The following PDE7A variants were observed in gnomAD, a reference collection of about 807,000 sequenced individuals.
PDE7A encodes phosphodiesterase 7A.
Under a neutral mutation model 64.3 loss-of-function variants are expected in PDE7A, and 39 were observed. The ratio of observed to expected loss-of-function variants is 0.61; its 90% CI spans 0.47 to 0.79. The LOEUF (loss-of-function observed/expected upper bound fraction) is 0.79, where lower values mean the gene tolerates loss of function less well. PDE7A is among the 30% of genes least tolerant of loss of function. PDE7A has a pLI of 0.00. For missense variants in PDE7A, 470 were observed against 582.8 expected, an observed-to-expected ratio of 0.81 and a Z score of 1.99; for synonymous variants, 203 against 206.8, an observed-to-expected ratio of 0.98 and a Z score of 0.16.
At chr8:65,723,124 G>C (rs1175548366) in intron 12 of PDE7A, 1 of 153,912 alleles carries the variant, frequency 6.5e-6, no homozygotes. Context: ...AGTCTGGAAA[G>C]GCAGTGGCAG....
intron 3 of PDE7A, among the ~76,000 whole-genome samples, chr8:65,763,031 GTGTGTGTA>G (rs1259855521): frequency 7.0e-6 from 1 of 142,774 alleles, no homozygotes; most frequent in African/African-American, 2.8e-5. Context: ...GTGTGTGTGT[GTGTGTGTA>G]TAAAATGAAT....
At chr8:65,812,808 C>G (rs1236413454) in intron 1 of PDE7A, among the ~76,000 whole-genome samples, 1 of 152,076 alleles carries the variant, frequency 6.6e-6, no homozygotes, top group African/African-American at 2.4e-5. Flanking sequence ...AATGAGATAC[C>G]TTTTTATTTT....
At chr8:65,840,724 GAGTGTACATCAGTAGT>G (rs1563527704) in intron 1 of PDE7A, among the ~76,000 whole-genome samples, 1 of 152,246 alleles carries the variant, frequency 6.6e-6, no homozygotes, top group Non-Finnish European at 1.5e-5. Context: ...GTCTTCCCAT[GAGTGTACATCAGTAGT>G]TTCTCTCCTA....
At chr8:65,828,289 T>C (rs760296413) in intron 1 of PDE7A, among the ~76,000 whole-genome samples, 10 of 152,152 alleles carry the variant, frequency 6.6e-5, no homozygotes, top group Non-Finnish European at 1.2e-4. Context: ...ATATCTTCCA[T>C]GATTTTATCC....
At chr8:65,761,997 G>A (rs960464176) in intron 3 of PDE7A, among the ~76,000 whole-genome samples, 2 of 152,128 alleles carry the variant, frequency 1.3e-5, no homozygotes, top group African/African-American at 4.8e-5. Context: ...CTTGAGACCC[G>A]ACCACTACTT....
Position 65,779,741 on chromosome 8 carries a change from T to C in PDE7A, c.262A>G (p.Ile88Val), listed in dbSNP as rs1809359427. 1.3e-6 allele frequency: 2 copies of C among 1,585,258 alleles called. No homozygotes were observed. The highest frequency in any genetic ancestry group is 1.4e-5 in the African/African-American group (1 of 73,928). The change falls in exon 3 of 13, where the codon ATT becomes GTT. Residue 88 changes from isoleucine (I) to valine (V), a missense_variant. Transcript: ENST00000401827. ...TTACAGTGGAAAATACGAAAATCAA[T>C]ATATGGGTGAGAACCTCTTCTTTCT... ...ESERRGSHPY[I>V]DFRIFHSQSE... is the part of the protein sequence containing the mutation.
intron 3 of PDE7A, among the ~76,000 whole-genome samples, chr8:65,770,497 T>C (rs1234817818): frequency 1.3e-5 from 2 of 152,116 alleles, no homozygotes; most frequent in Non-Finnish European, 2.9e-5. Context: ...GATGATTCAA[T>C]TACCTCCCAC....
chr8:65,750,460 G>C (rs2128908092), intron 3 of PDE7A, among the ~76,000 whole-genome samples: 1 of 147,660 alleles, frequency 6.8e-6, no homozygotes, highest in South Asian at 2.1e-4. Flanking sequence ...ATGTATATAT[G>C]TAAATTAGAA....
At chr8:65,787,303 C>T (rs1046294538) in intron 1 of PDE7A, among the ~76,000 whole-genome samples, 8 of 152,286 alleles carry the variant, frequency 5.3e-5, no homozygotes, top group African/African-American at 1.9e-4. Flanking sequence ...TTTATTAGTT[C>T]CATTTTGCAG....
At chr8:65,792,860 TA>T (rs1481501286) in intron 1 of PDE7A, among the ~76,000 whole-genome samples, 3 of 152,182 alleles carry the variant, frequency 2.0e-5, no homozygotes, top group Non-Finnish European at 4.4e-5. Context: ...AAAAATTATT[TA>T]AAAGCTATGG....
At chr8:65,807,991 A>G (rs1325864294) in intron 1 of PDE7A, among the ~76,000 whole-genome samples, 1 of 152,192 alleles carries the variant, frequency 6.6e-6, no homozygotes, top group Non-Finnish European at 1.5e-5. Context: ...TGGCTGATAC[A>G]ACGAGTGTCA....
rs561002490 is a variant in PDE7A at position 65,768,623 on chromosome 8, C to T, written c.283+11097G>A. Among the ~76,000 whole-genome samples, 34 of 152,180 alleles carry T rather than the reference C, an allele frequency of 2.2e-4. 1 individual carries two copies. Among genetic ancestry groups the T allele is most frequent in the Non-Finnish European group, 4.6e-4 (31 of 68,032 alleles). On this transcript the variant is annotated intron_variant, in intron 3 of 12. Transcript: ENST00000401827. ...TCAGCAGCGTAAAAACAGACTAATA[C>T]AAATTCTTACTGATACTTGTATTCT...
intron 3 of PDE7A, among the ~76,000 whole-genome samples, chr8:65,778,988 T>C (rs1809331040): frequency 6.6e-6 from 1 of 152,248 alleles, no homozygotes; most frequent in Non-Finnish European, 1.5e-5. Flanking sequence ...TCTGCCCATC[T>C]TCTAATCCAC....
At chr8:65,759,754 A>G (rs763846376) in intron 3 of PDE7A, among the ~76,000 whole-genome samples, 6 of 152,066 alleles carry the variant, frequency 3.9e-5, no homozygotes, top group Non-Finnish European at 7.4e-5. Flanking sequence ...AGACATCCCA[A>G]ACCCTCTCTT....
chr8:65,733,433 T>C (rs2128896640), intron 7 of PDE7A, among the ~76,000 whole-genome samples: 1 of 152,330 alleles, frequency 6.6e-6, no homozygotes, highest in African/African-American at 2.4e-5. Context: ...GAGGATGCAG[T>C]CTTGGCCCAG....
At chr8:65,748,088 T>C (rs1807767401) in intron 3 of PDE7A, among the ~76,000 whole-genome samples, 1 of 149,846 alleles carries the variant, frequency 6.7e-6, no homozygotes, top group Admixed American at 6.8e-5. Flanking sequence ...GGATTAATAA[T>C]CACGGTTTGT....
chr8:65,724,003 A>C (rs1031548229), intron 11 of PDE7A, among the ~76,000 whole-genome samples: 7 of 152,216 alleles, frequency 4.6e-5, no homozygotes, highest in Admixed American at 4.6e-4. Context: ...CTTTCTGTAC[A>C]GCAAAATTCC....
intron 1 of PDE7A, among the ~76,000 whole-genome samples, chr8:65,802,665 TG>T (rs1274568287): frequency 6.6e-6 from 1 of 152,240 alleles, no homozygotes; most frequent in Non-Finnish European, 1.5e-5. Flanking sequence ...ATAACCAAGT[TG>T]TTTTTATCCA....
At chr8:65,829,465 G>A (rs1810759772) in intron 1 of PDE7A, among the ~76,000 whole-genome samples, 2 of 152,070 alleles carry the variant, frequency 1.3e-5, no homozygotes, top group Admixed American at 1.3e-4. Flanking sequence ...TGGCTTCAAT[G>A]TATTAAAGAA....
Sources: gnomAD v4.1 joint callset for allele counts (sites outside exome capture counted in the v4.1 genomes callset) on GRCh38, gnomAD v4.1.1 for gene constraint, MANE v1.5 for transcripts, NCBI Gene and HGNC (gene_info 2026-07-23, HGNC 2026-07-21) for gene names.